The following MECOM variants were observed in gnomAD, a reference collection of about 807,000 sequenced individuals.
MECOM encodes histone-lysine N-methyltransferase MECOM.
A neutral mutation model predicts 116.3 loss-of-function variants in MECOM; 13 were observed. The ratio of observed to expected loss-of-function variants is 0.11; its 90% CI spans 0.07 to 0.18. MECOM has a LOEUF of 0.18. Ranked by LOEUF, MECOM falls within the 10% of genes least tolerant of loss-of-function variation. The pLI is 1.00. For synonymous variants in MECOM, 528 were observed against 535.2 expected (o/e 0.99, Z 0.19); for missense variants, 1,299 against 1,509.0 (o/e 0.86, Z 2.31).
At chr3:169,291,731 A>G (rs1714592186) in intron 2 of MECOM, among the ~76,000 whole-genome samples, 1 of 152,204 alleles carries the variant, frequency 6.6e-6, no homozygotes, top group African/African-American at 2.4e-5. Flanking sequence ...ATGTTTTTCT[A>G]GGCAGTGCAT....
intron 1 of MECOM, among the ~76,000 whole-genome samples, chr3:169,516,309 A>G (rs545333842): frequency 2.6e-5 from 4 of 152,208 alleles, no homozygotes; most frequent in Admixed American, 2.0e-4. Flanking sequence ...TTCATACGAC[A>G]TTACCTAAAC....
intron 2 of MECOM, among the ~76,000 whole-genome samples, chr3:169,216,850 AC>A (rs200517973): frequency 2.4e-4 from 37 of 151,956 alleles, no homozygotes; most frequent in African/African-American, 8.2e-4. Flanking sequence ...TATCTGTAAA[AC>A]AAAAACAAAA....
At chr3:169,550,373 A>G (rs1361722677) in intron 1 of MECOM, among the ~76,000 whole-genome samples, 2 of 152,224 alleles carry the variant, frequency 1.3e-5, no homozygotes, top group Non-Finnish European at 2.9e-5. Context: ...CCATTTACAC[A>G]GCAGGTAAAC....
At chr3:169,211,526 C>T (rs993827735) in intron 2 of MECOM, among the ~76,000 whole-genome samples, 15 of 152,068 alleles carry the variant, frequency 9.9e-5, no homozygotes, top group African/African-American at 3.4e-4. Context: ...TATTATGTGC[C>T]ACTGACCAAT....
At chr3:169,309,215 C>T (rs1350231419) in intron 2 of MECOM, among the ~76,000 whole-genome samples, 1 of 152,120 alleles carries the variant, frequency 6.6e-6, no homozygotes, top group Non-Finnish European at 1.5e-5. Flanking sequence ...AACAAAGCAG[C>T]AGTACATTCT....
At chr3:169,443,461 G>A (rs1170068928) in intron 1 of MECOM, among the ~76,000 whole-genome samples, 1 of 152,152 alleles carries the variant, frequency 6.6e-6, no homozygotes, top group Non-Finnish European at 1.5e-5. Flanking sequence ...TGTTTATATT[G>A]TAATATCTTT....
At chr3:169,491,549 T>C (rs1405227621) in intron 1 of MECOM, among the ~76,000 whole-genome samples, 1 of 152,176 alleles carries the variant, frequency 6.6e-6, no homozygotes, top group African/African-American at 2.4e-5. Flanking sequence ...AAGACTTCAA[T>C]TTATCTTCAT....
At chr3:169,521,584 T>A (rs1350770413) in intron 1 of MECOM, among the ~76,000 whole-genome samples, 1 of 152,196 alleles carries the variant, frequency 6.6e-6, no homozygotes, top group Non-Finnish European at 1.5e-5. Flanking sequence ...TGGTCTGAGA[T>A]GTGTGGATCA....
intron 1 of MECOM, among the ~76,000 whole-genome samples, chr3:169,452,990 C>G (rs993456528): frequency 2.0e-5 from 3 of 152,250 alleles, no homozygotes; most frequent in African/African-American, 7.2e-5. Context: ...GGAAATTTCT[C>G]AAATGCAAAC....
At chr3:169,641,681 C>T (rs1368287353) in intron 1 of MECOM, among the ~76,000 whole-genome samples, 1 of 152,186 alleles carries the variant, frequency 6.6e-6, no homozygotes, top group African/African-American at 2.4e-5. Context: ...GAACCTCACG[C>T]TAATTCTGTG....
chr3:169,112,808 T>C lies in MECOM; in HGVS notation c.2556A>G (p.Pro852=). The change falls in exon 9 of 17, where the codon CCA becomes CCG. Residue 852 remains proline (P), a synonymous_variant. Coordinates refer to ENST00000651503, the MANE Select transcript of MECOM (RefSeq NM_004991.4). Reference sequence around the variant, plus strand: ...TTACTTGTGGGTGAAACAAGAATCCTGGAGAAGGCCTCAAGTATTTCTCTT... The same window carrying C: ...TTACTTGTGGGTGAAACAAGAATCCCGGAGAAGGCCTCAAGTATTTCTCTT... ...ALKEKYLRPS[P]GFLFHPQFQL... 1.9e-6 allele frequency: 3 copies of C among 1,613,038 alleles called. No homozygotes were observed. The highest frequency in any genetic ancestry group is 1.1e-5 in the South Asian group (1 of 91,000).
intron 2 of MECOM, among the ~76,000 whole-genome samples, chr3:169,213,964 T>G (rs550778465): frequency 2.6e-4 from 39 of 152,212 alleles, no homozygotes; most frequent in African/African-American, 9.1e-4. Flanking sequence ...TTATTTATCT[T>G]TTTTAGGGGC....
At chr3:169,368,224 G>A (rs973672292) in intron 2 of MECOM, among the ~76,000 whole-genome samples, 3 of 151,852 alleles carry the variant, frequency 2.0e-5, no homozygotes, top group Admixed American at 6.6e-5. Context: ...CTTCAGTTTC[G>A]GTTACATCAT....
rs79841253 is a variant in MECOM at position 169,098,290 on chromosome 3, C to G, written c.2849+2595G>C. 1.9e-3 allele frequency among the ~76,000 whole-genome samples: 288 copies of G among 152,304 alleles called. 2 individuals carry two copies. The highest frequency in any genetic ancestry group is 0.018 in the East Asian group (95 of 5,186). On this transcript the variant is annotated intron_variant, in intron 12 of 16. Coordinates refer to ENST00000651503, the MANE Select transcript of MECOM (RefSeq NM_004991.4). ...CCCACATTGCATTTAGCTGTCATGT[C>G]TCCTTAGTTTTCTACAGTCTCTAAC...
intron 2 of MECOM, among the ~76,000 whole-genome samples, chr3:169,290,156 A>C (rs933362469): frequency 6.6e-6 from 1 of 151,362 alleles, no homozygotes; most frequent in Non-Finnish European, 1.5e-5. Flanking sequence ...ATCATTTCCC[A>C]AAAAAAAATC....
chr3:169,161,412 C>A (rs1439891410), intron 2 of MECOM, among the ~76,000 whole-genome samples: 2 of 152,130 alleles, frequency 1.3e-5, no homozygotes, highest in African/African-American at 4.8e-5. Context: ...TGGATATTTA[C>A]AAATTCCCTG....
chr3:169,233,919 A>G (rs1753712346), intron 2 of MECOM, among the ~76,000 whole-genome samples: 1 of 152,098 alleles, frequency 6.6e-6, no homozygotes, highest in South Asian at 2.1e-4. Context: ...GCTGCTTATC[A>G]GTTTTTTAAA....
chr3:169,526,862 G>A (rs911287665), intron 1 of MECOM, among the ~76,000 whole-genome samples: 7 of 151,368 alleles, frequency 4.6e-5, no homozygotes, highest in African/African-American at 1.7e-4. Flanking sequence ...TTTTCTTGTT[G>A]TGCCACTCCT....
intron 3 of MECOM, among the ~76,000 whole-genome samples, chr3:169,135,584 A>T (rs1456714541): frequency 6.6e-6 from 1 of 152,000 alleles, no homozygotes; most frequent in Admixed American, 6.6e-5. Flanking sequence ...AAAACTTTCT[A>T]TTTGGTAGCT....
Sources: gnomAD v4.1 joint callset for allele counts (sites outside exome capture counted in the v4.1 genomes callset) on GRCh38, gnomAD v4.1.1 for gene constraint, MANE v1.5 for transcripts, NCBI Gene and HGNC (gene_info 2026-07-23, HGNC 2026-07-21) for gene names.